The following MCPH1 variants were observed in gnomAD, a reference collection of about 807,000 sequenced individuals.
MCPH1 encodes the protein microcephalin.
MCPH1 carries 104 observed loss-of-function variants against 84.5 expected under a neutral mutation model. The ratio of observed to expected loss-of-function variants is 1.23; its 90% confidence interval spans 1.05 to 1.45. The LOEUF (loss-of-function observed/expected upper bound fraction) is 1.45, where lower values mean the gene tolerates loss of function less well. Ranked by LOEUF, MCPH1 falls within the 40% of genes most tolerant of loss-of-function variation. MCPH1 has a pLI of 0.00. For missense variants in MCPH1, 1,498 were observed against 1,005.7 expected (o/e 1.49, Z -6.62); for synonymous variants, 514 against 366.8 (o/e 1.40, Z -4.58).
chr8:6,614,323 C>T (rs1253479912), intron 12 of MCPH1, among the ~76,000 whole-genome samples: 1 of 152,194 alleles, frequency 6.6e-6, no homozygotes, highest in African/African-American at 2.4e-5. Flanking sequence ...CCTGCCTCCT[C>T]CCATGCGTGG....
intron 12 of MCPH1, among the ~76,000 whole-genome samples, chr8:6,503,800 G>C (rs2959793): frequency 2.0e-5 from 3 of 152,010 alleles, no homozygotes; most frequent in Admixed American, 2.0e-4. Flanking sequence ...GTGTGTGCTC[G>C]CTCAGCTAAA....
chr8:6,431,638 T>C, intron 4 of MCPH1, 52 bp downstream of exon 4: 7 of 1,215,616 alleles, frequency 5.8e-6, no homozygotes, highest in Non-Finnish European at 8.4e-6. Flanking sequence ...TTATTCGTTT[T>C]TATTTTTTAT....
At chr8:6,465,169 C>T (rs990509804) in intron 9 of MCPH1, among the ~76,000 whole-genome samples, 1 of 152,146 alleles carries the variant, frequency 6.6e-6, no homozygotes, top group African/African-American at 2.4e-5. Context: ...CTAAATGGGT[C>T]TAGAAATATC....
At chr8:6,538,410 A>G (rs1409710375) in intron 12 of MCPH1, among the ~76,000 whole-genome samples, 1 of 152,162 alleles carries the variant, frequency 6.6e-6, no homozygotes, top group Admixed American at 6.5e-5. Context: ...AGGAATCCAC[A>G]TGCAAAGCTG....
chr8:6,584,515 TCA>T (rs746912442), intron 12 of MCPH1, among the ~76,000 whole-genome samples: 49 of 152,316 alleles, frequency 3.2e-4, no homozygotes, highest in Admixed American at 1.3e-3. Context: ...CTGAGACACT[TCA>T]CATCTATAAT....
intron 9 of MCPH1, among the ~76,000 whole-genome samples, chr8:6,457,494 G>C (rs1805824622): frequency 6.6e-6 from 1 of 151,696 alleles, no homozygotes; most frequent in Non-Finnish European, 1.5e-5. Flanking sequence ...AATCCCAGCT[G>C]CTCAAGAGAC....
intron 12 of MCPH1, among the ~76,000 whole-genome samples, chr8:6,523,327 T>C (rs1192829144): frequency 3.9e-5 from 6 of 152,108 alleles, no homozygotes; most frequent in African/African-American, 1.4e-4. Flanking sequence ...TTTAGAGAGC[T>C]GGTAAAATTA....
intron 9 of MCPH1, among the ~76,000 whole-genome samples, chr8:6,464,561 A>C (rs1469111785): frequency 6.6e-6 from 1 of 152,210 alleles, no homozygotes; most frequent in South Asian, 2.1e-4. Context: ...ACGTGGTAGA[A>C]ATGAGGACCA....
chr8:6,425,717 G>C (rs1386401663), intron 3 of MCPH1, among the ~76,000 whole-genome samples: 2 of 152,148 alleles, frequency 1.3e-5, no homozygotes, highest in South Asian at 4.1e-4. Context: ...AATACTTACT[G>C]GTTTTGTAAA....
rs1454224703 is a variant in MCPH1, at chr8:6,480,699, C to T, written c.1974-15C>T. 1 of 1,613,876 alleles carries T rather than the reference C, an allele frequency of 6.2e-7. No individual in the cohort carries two copies. The highest frequency in any genetic ancestry group is 8.5e-7 in the Non-Finnish European group (1 of 1,179,910). ...AAAGTCATTCATTTTGTTAATTTTT[C>T]CCCCGATTTGACAGAAAGCAGAATG... On this transcript the variant is annotated splice_polypyrimidine_tract_variant and intron_variant, in intron 10 of 13. Coordinates refer to ENST00000344683, the MANE Select transcript of MCPH1 (RefSeq NM_024596.5).
intron 12 of MCPH1, among the ~76,000 whole-genome samples, chr8:6,584,977 T>C (rs1781858084): frequency 2.6e-5 from 4 of 152,222 alleles, no homozygotes; most frequent in Admixed American, 6.5e-5. Context: ...GCAATTTTGA[T>C]TAGCAAGGCT....
intron 12 of MCPH1, among the ~76,000 whole-genome samples, chr8:6,583,396 CTT>C (rs995793795): frequency 1.6e-4 from 24 of 152,178 alleles, no homozygotes; most frequent in African/African-American, 5.8e-4. Context: ...TTACTGAAGA[CTT>C]TTCTTGCGCT....
chr8:6,587,057 C>A (rs916196416), intron 12 of MCPH1, among the ~76,000 whole-genome samples: 3 of 152,054 alleles, frequency 2.0e-5, no homozygotes, highest in African/African-American at 4.8e-5. Flanking sequence ...TCTGCTTCCA[C>A]TTCTCGGTGT....
At chr8:6,461,248 C>G (rs1258256497) in intron 9 of MCPH1, among the ~76,000 whole-genome samples, 3 of 150,270 alleles carry the variant, frequency 2.0e-5, no homozygotes, top group Non-Finnish European at 4.4e-5. Flanking sequence ...GCAAAAATCA[C>G]TCTATAAATC....
chr8:6,603,160 C>T (rs969651767), intron 12 of MCPH1, among the ~76,000 whole-genome samples: 2 of 152,056 alleles, frequency 1.3e-5, no homozygotes, highest in Admixed American at 1.3e-4. Flanking sequence ...CCTCTACCGC[C>T]GGACTCTGCT....
chr8:6,459,968 C>T (rs544403721), intron 9 of MCPH1, among the ~76,000 whole-genome samples: 1 of 152,358 alleles, frequency 6.6e-6, no homozygotes, highest in African/African-American at 2.4e-5. Flanking sequence ...AGGCTGACTT[C>T]AGCCACGGCC....
At chr8:6,620,643 C>A (rs758697958) in intron 12 of MCPH1, among the ~76,000 whole-genome samples, 2 of 152,130 alleles carry the variant, frequency 1.3e-5, no homozygotes. Context: ...AGGGAAAATA[C>A]GCAAAACAAA....
At chr8:6,518,952 C>T (rs1320549821) in intron 12 of MCPH1, among the ~76,000 whole-genome samples, 3 of 151,898 alleles carry the variant, frequency 2.0e-5, no homozygotes, top group Non-Finnish European at 4.4e-5. Flanking sequence ...TCTCCCAAAG[C>T]ACCTTCAGGA....
chr8:6,622,985 T>A (rs1831622036), intron 13 of MCPH1, among the ~76,000 whole-genome samples: 1 of 150,660 alleles, frequency 6.6e-6, no homozygotes, highest in African/African-American at 2.4e-5. Flanking sequence ...GAACTACAGG[T>A]GCACACCACG....
Sources: allele counts gnomAD v4.1 joint callset (sites outside exome capture counted in the v4.1 genomes callset), GRCh38; gene constraint gnomAD v4.1.1; transcripts MANE v1.5; gene names NCBI Gene and HGNC (gene_info 2026-07-23, HGNC 2026-07-21).